The following FRMPD2 variants were observed in gnomAD, a reference collection of about 807,000 sequenced individuals.
FRMPD2 encodes FERM and PDZ domain containing 2.
In FRMPD2, 96 loss-of-function variants were observed where a neutral mutation model predicts 140.1. The observed-to-expected ratio is 0.69, with a 90% CI of 0.58 to 0.81. The LOEUF is 0.81. Ranked by LOEUF, FRMPD2 falls within the 40% of genes least tolerant of loss-of-function variation. FRMPD2 has a pLI of 0.00. For missense variants in FRMPD2, 1,240 were observed against 1,447.4 expected, an observed-to-expected ratio of 0.86 and a Z score of 2.32; for synonymous variants, 449 against 547.6, an observed-to-expected ratio of 0.82 and a Z score of 2.52.
At chr10:48,246,823 G>A (rs1840262257) in intron 3 of FRMPD2, among the ~76,000 whole-genome samples, 1 of 152,240 alleles carries the variant, frequency 6.6e-6, no homozygotes, top group South Asian at 2.1e-4. Flanking sequence ...AGAGGAGCCT[G>A]TAATGAATGG....
chr10:48,248,872 C>T (rs1317593739), intron 3 of FRMPD2, 149 bp downstream of exon 3: 2 of 559,994 alleles, frequency 3.6e-6, no homozygotes, highest in Admixed American at 3.5e-5. Context: ...GACAAGAAAT[C>T]CTGGGAATAA....
Position 48,249,150 on chromosome 10 carries a change from C to T in FRMPD2, c.180G>A (p.Trp60Ter), listed in dbSNP as rs1304605182. Residue 60 changes from tryptophan (W) to a stop codon, truncating the protein, a stop_gained, in exon 3 of 29, where the codon TGG becomes TGA. Transcript: ENST00000374201. LOFTEE classifies it high-confidence loss of function. ...NDSSDYVVCP[W>*]SALLSAAGSL... ...TTCCAGCTGCAGAAAGCAGGGCTGA[C>T]CAGGGGCAAACCACATAGTCCGAGG... is the stretch of plus-strand genomic sequence containing the variant. 1 of 1,613,958 alleles carries T rather than the reference C, an allele frequency of 6.2e-7. No homozygotes were observed. Among genetic ancestry groups the T allele is most frequent in the Non-Finnish European group, 8.5e-7 (1 of 1,180,010 alleles).
At chr10:48,260,332 G>A (rs1313583111) in intron 1 of FRMPD2, among the ~76,000 whole-genome samples, 1 of 152,114 alleles carries the variant, frequency 6.6e-6, no homozygotes. Flanking sequence ...GTCCAAGTCT[G>A]AAGGCCTAAC....
chr10:48,225,407 G>C (rs540979230), intron 10 of FRMPD2, among the ~76,000 whole-genome samples: 1 of 152,106 alleles, frequency 6.6e-6, no homozygotes, highest in African/African-American at 2.4e-5. Context: ...ACAGCCAGCC[G>C]CACAAGGACA....
At chr10:48,274,806 GC>G, upstream of FRMPD2, 2 of 519,766 alleles carry the variant, frequency 3.8e-6, no homozygotes, top group Non-Finnish European at 6.8e-6. Context: ...CTGTTAGCAG[GC>G]ACTGCCACCC....
In FRMPD2 at chr10:48,189,963, G is replaced by C. The variant is rs548437769; in HGVS notation, c.2166-2671C>G. Among the ~76,000 whole-genome samples, 3 of 152,324 alleles carry C rather than the reference G, an allele frequency of 2.0e-5. No individual in the cohort carries two copies. The South Asian group carries it at 6.2e-4, about 32-fold the overall frequency. ...GGGATGACTATTACTACCACTGGAT[G>C]AATGAGGAAACTGAGGCCTGGGGTG... is the stretch of plus-strand genomic sequence containing the variant. On this transcript the variant is annotated intron_variant, in intron 16 of 28. Transcript: ENST00000374201.
chr10:48,235,766 G>A (rs1473074346), intron 9 of FRMPD2, among the ~76,000 whole-genome samples: 1 of 152,216 alleles, frequency 6.6e-6, no homozygotes, highest in Admixed American at 6.5e-5. Context: ...ACTGGGCCCT[G>A]GACAACAGAG....
At chr10:48,236,249 T>C (rs12241032) in intron 9 of FRMPD2, among the ~76,000 whole-genome samples, 7,499 of 152,186 alleles carry the variant, frequency 0.049, 623 homozygotes, top group African/African-American at 0.17. Flanking sequence ...ATTCCCTAGC[T>C]GAGGCTGGGA....
intron 20 of FRMPD2, among the ~76,000 whole-genome samples, chr10:48,181,887 T>TACACACAC (rs56127751): frequency 0.17 from 18,791 of 108,998 alleles, 1,922 homozygotes; most frequent in East Asian, 0.33. Flanking sequence ...ATGGCTCTCA[T>TACACACAC]ACACACACAC....
chr10:48,207,027 G>C lies in FRMPD2; in HGVS notation c.1612-94C>G, dbSNP rs375202159. On this transcript the variant is annotated intron_variant, in intron 13 of 28. Coordinates refer to ENST00000374201, the MANE Select transcript of FRMPD2 (RefSeq NM_001018071.4). ...CACTCCATGCAAAACACACTGATAG[G>C]CGTTCTGAAAAGAAAGAGTAGAATT... The C allele has an allele frequency of 1.1e-5, 12 of 1,081,752 alleles. 1 individual carries two copies. The Admixed American group carries it at 3.1e-4, about 28-fold the overall frequency. 67.0% of individuals were successfully genotyped at this position (1,081,752 alleles called of 1,614,324 possible).
In FRMPD2 at chr10:48,206,826, T is replaced by C. The variant is rs1231576657; in HGVS notation, c.1719A>G (p.Ile573Met). The change falls in exon 14 of 29, where the codon ATA (isoleucine) becomes ATG (methionine). Residue 573 changes from isoleucine (I) to methionine (M), a missense_variant. Coordinates refer to ENST00000374201, the MANE Select transcript of FRMPD2 (RefSeq NM_001018071.4). ...MALGICAKGV[I>M]VYEVKNNSRI... ...TGCTGTTGTTTTTCACTTCATAGAC[T>C]ATGACACCCTTGGCACAGATCCCCA... is the stretch of plus-strand genomic sequence containing the variant. 1 of 1,614,136 alleles carries C rather than the reference T, an allele frequency of 6.2e-7. No homozygotes were observed. The highest frequency in any genetic ancestry group is 1.7e-5 in the Admixed American group (1 of 60,030).
rs142957084 is a variant in FRMPD2, at chr10:48,189,886, C to A, written c.2166-2594G>T. Among the ~76,000 whole-genome samples the A allele has an allele frequency of 4.1e-3, 631 of 152,266 alleles. 2 individuals carry two copies. Among genetic ancestry groups the A allele is most frequent in the African/African-American group, 0.014 (598 of 41,530 alleles). ...ATCAGGGCAGTCACCACAGACCAAC[C>A]CATATTCAGCTTTTATAACATGATT... On this transcript the variant is annotated intron_variant, in intron 16 of 28. Coordinates refer to ENST00000374201, the MANE Select transcript of FRMPD2 (RefSeq NM_001018071.4).
chr10:48,181,858 C>CATATATATCTATATATATATAT (rs1838557238), intron 20 of FRMPD2, among the ~76,000 whole-genome samples: 1 of 79,784 alleles, frequency 1.3e-5, no homozygotes, highest in Non-Finnish European at 2.7e-5. Context: ...TATATTCCCT[C>CATATATATCTATATATATATAT]ATATATATAT....
intron 14 of FRMPD2, among the ~76,000 whole-genome samples, chr10:48,203,766 A>G (rs1588827680): frequency 6.6e-6 from 1 of 152,096 alleles, no homozygotes; most frequent in East Asian, 1.9e-4. Context: ...TCCTGGGAGG[A>G]GCCCTGGCAA....
chr10:48,221,184 C>A lies in FRMPD2; in HGVS notation c.1455+1129G>T, dbSNP rs184696177. ...ATTCCCAATTGCAAAAATATGGAAC[C>A]AGCCCAAATACCCATCAATCAATGA... On this transcript the variant is annotated intron_variant, in intron 12 of 28. Transcript: ENST00000374201. Among the ~76,000 whole-genome samples, 342 of 152,278 alleles carry A rather than the reference C, an allele frequency of 2.2e-3. 1 individual carries two copies. The highest frequency in any genetic ancestry group is 8.0e-3 in the African/African-American group (332 of 41,540).
chr10:48,232,593 A>G (rs1174646169), intron 9 of FRMPD2, among the ~76,000 whole-genome samples: 1 of 152,138 alleles, frequency 6.6e-6, no homozygotes, highest in East Asian at 1.9e-4. Flanking sequence ...TCCCATGCGG[A>G]AATTCCAGCT....
intron 1 of FRMPD2, among the ~76,000 whole-genome samples, chr10:48,264,524 C>T (rs1399425610): frequency 6.6e-6 from 1 of 151,872 alleles, no homozygotes; most frequent in Non-Finnish European, 1.5e-5. Context: ...AACACAATAT[C>T]AATTATTATA....
Position 48,249,051 on chromosome 10 carries a change from C to G in FRMPD2, c.279G>C (p.Gln93His). The change falls in exon 3 of 29, where the codon CAG becomes CAC. Residue 93 changes from glutamine (Q) to histidine (H), a missense_variant. Coordinates refer to ENST00000374201, the MANE Select transcript of FRMPD2 (RefSeq NM_001018071.4). ...PFKAPELLQG[Q>H]SEDEQPDASQ... ...ATGCATCAGGCTGCTCATCCTCACT[C>G]TGTCCCTGTAGCAGTTCAGGGGCCT... 1 of 1,613,498 alleles carries G rather than the reference C, an allele frequency of 6.2e-7. No individual in the cohort carries two copies. Among genetic ancestry groups the G allele is most frequent in the Non-Finnish European group, 8.5e-7 (1 of 1,179,846 alleles).
At chr10:48,214,223 C>G (rs899693923) in intron 12 of FRMPD2, among the ~76,000 whole-genome samples, 2 of 152,200 alleles carry the variant, frequency 1.3e-5, no homozygotes, top group Admixed American at 6.5e-5. Flanking sequence ...TCGTGAGACA[C>G]ACCAAAGACC....
Sources: gnomAD v4.1 joint callset for allele counts (sites outside exome capture counted in the v4.1 genomes callset) on GRCh38, gnomAD v4.1.1 for gene constraint, MANE v1.5 for transcripts, NCBI Gene and HGNC (gene_info 2026-07-23, HGNC 2026-07-21) for gene names.